Variants in ZC3H11C observed in about 807,000 individuals in gnomAD.
The protein encoded by ZC3H11C is zinc finger CCCH domain-containing protein 11C.
the ZC3H11C span, among the ~76,000 whole-genome samples, chr6:65,306,037 A>T: frequency 1.2e-4 from 19 of 152,326 alleles, no homozygotes; most frequent in African/African-American, 4.6e-4. Context: ...TTTCCTTCAT[A>T]TCACCTCAAG....
the ZC3H11C span, among the ~76,000 whole-genome samples, chr6:65,306,221 T>C: frequency 5.3e-5 from 8 of 152,230 alleles, no homozygotes; most frequent in Admixed American, 5.2e-4. Flanking sequence ...TGTTGGCTCC[T>C]AAGGAACTGC....
Sources: allele counts gnomAD v4.1 joint callset (sites outside exome capture counted in the v4.1 genomes callset), GRCh38; gene constraint gnomAD v4.1.1; transcripts MANE v1.5; gene names NCBI Gene and HGNC (gene_info 2026-07-23, HGNC 2026-07-21).